The following RGS6 variants were observed in gnomAD, a reference collection of about 807,000 sequenced individuals.
RGS6 encodes the protein regulator of G protein signaling 6, also known as regulator of G-protein signaling 6.
A neutral mutation model predicts 78.5 loss-of-function variants in RGS6; 30 were observed. The ratio of observed to expected loss-of-function variants is 0.38; its 90% CI spans 0.29 to 0.52. The LOEUF (loss-of-function observed/expected upper bound fraction) is 0.52. Ranked by LOEUF, RGS6 falls within the 20% of genes least tolerant of loss-of-function variation. The probability of loss-of-function intolerance (pLI) is 0.85; values close to 1 mark genes in which losing one functional copy is unlikely to be tolerated. For missense variants in RGS6, 495 were observed against 609.7 expected, an observed-to-expected ratio of 0.81 and a Z score of 1.98; for synonymous variants, 206 against 206.0, an observed-to-expected ratio of 1.00 and a Z score of 0.00.
chr14:72,015,460 C>A (rs188515433), intron 2 of RGS6, among the ~76,000 whole-genome samples: 242 of 152,282 alleles, frequency 1.6e-3, no homozygotes, highest in Admixed American at 3.7e-3. Context: ...CCATAGGATT[C>A]CAGTATATAC....
chr14:72,400,618 C>G (rs549045866), intron 3 of RGS6, among the ~76,000 whole-genome samples: 1 of 152,326 alleles, frequency 6.6e-6, no homozygotes, highest in African/African-American at 2.4e-5. Flanking sequence ...TGCGCTGATT[C>G]TGTTCAGTAA....
At chr14:72,622,636 T>C in the RGS6 span, among the ~76,000 whole-genome samples, 7 of 152,220 alleles carry the variant, frequency 4.6e-5, no homozygotes, top group East Asian at 1.4e-3. Flanking sequence ...GGTTGACCAC[T>C]GTCTAGCACC....
At chr14:71,877,078 C>A in the RGS6 span, among the ~76,000 whole-genome samples, 1 of 152,132 alleles carries the variant, frequency 6.6e-6, no homozygotes, top group Non-Finnish European at 1.5e-5. Flanking sequence ...TTGTGGGTAA[C>A]CCAACCTTTG....
At position 72,563,275 on chromosome 14, in the gene RGS6, T is replaced by C. The variant is rs1277542117; in HGVS notation, c.*808T>C. 1 of 161,066 alleles carries C rather than the reference T, an allele frequency of 6.2e-6. No homozygotes were observed. Among genetic ancestry groups the C allele is most frequent in the Non-Finnish European group, 1.4e-5 (1 of 72,830 alleles). The allele number at this position is 161,066 out of a possible 1,614,324, so 10.0% of individuals were successfully genotyped here. ...TAGAAAATTATTTCATAATTTATTC[T>C]GGCTTTGCCCCCTTGCTCCTTGGTT... On this transcript the variant is annotated 3_prime_UTR_variant, in exon 18 of 18. Coordinates refer to ENST00000553525, the MANE Select transcript of RGS6 (RefSeq NM_001204424.2).
intron 14 of RGS6, chr14:72,511,918 T>C (rs17116708): frequency 0.028 from 4,340 of 152,312 alleles, 201 homozygotes; most frequent in African/African-American, 0.099. Flanking sequence ...TAATGAAGCA[T>C]TTGTAACAGA....
intron 2 of RGS6, among the ~76,000 whole-genome samples, chr14:72,080,819 A>G (rs544598162): frequency 1.3e-5 from 2 of 152,158 alleles, no homozygotes; most frequent in South Asian, 4.1e-4. Flanking sequence ...AAAAAAATCT[A>G]TTGACCATTG....
At chr14:72,350,106 T>A (rs2078837166) in intron 2 of RGS6, among the ~76,000 whole-genome samples, 2 of 152,222 alleles carry the variant, frequency 1.3e-5, no homozygotes, top group Non-Finnish European at 2.9e-5. Flanking sequence ...TAAAACTCCC[T>A]CTTCAGTTTT....
the RGS6 span, among the ~76,000 whole-genome samples, chr14:71,912,652 T>G: frequency 6.6e-6 from 1 of 152,042 alleles, no homozygotes. Context: ...CTGGTACCAG[T>G]TGACCAACAC....
At chr14:72,585,798 A>G in the RGS6 span, among the ~76,000 whole-genome samples, 35 of 152,176 alleles carry the variant, frequency 2.3e-4, no homozygotes, top group Non-Finnish European at 2.9e-5. Flanking sequence ...ATGAGGGATG[A>G]GTGCTGAGGG....
intron 2 of RGS6, among the ~76,000 whole-genome samples, chr14:72,125,076 T>A (rs1344633698): frequency 1.3e-5 from 2 of 152,158 alleles, no homozygotes; most frequent in Non-Finnish European, 2.9e-5. Context: ...AGACTCCAGA[T>A]GCTTGTAATA....
chr14:72,512,760 C>G (rs183990662), intron 14 of RGS6, among the ~76,000 whole-genome samples: 351 of 152,350 alleles, frequency 2.3e-3, no homozygotes, highest in Non-Finnish European at 3.9e-3. Context: ...AATCACATAA[C>G]TGTAGGACTC....
chr14:72,334,092 T>A (rs553501834), intron 2 of RGS6, among the ~76,000 whole-genome samples: 1 of 152,352 alleles, frequency 6.6e-6, no homozygotes, highest in Non-Finnish European at 1.5e-5. Flanking sequence ...GAGTCTTCAA[T>A]GCCTCAGGAG....
rs1034032701 is a variant in RGS6, at chr14:72,448,817, A to G, written c.185-5711A>G. Among the ~76,000 whole-genome samples, 5 of 152,226 alleles carry G rather than the reference A, an allele frequency of 3.3e-5. No homozygotes were observed. In the East Asian group the frequency reaches 9.6e-4, roughly 29 times the overall value. On this transcript the variant is annotated intron_variant, in intron 3 of 17. Transcript: ENST00000553525. Reference sequence around the variant, plus strand: ...ACAGAGTTAAGAGACACAGAATAGTATAGTGGAAATAATATTTGGCATGAA... The same window carrying G: ...ACAGAGTTAAGAGACACAGAATAGTGTAGTGGAAATAATATTTGGCATGAA...
At chr14:72,603,344 T>C in the RGS6 span, among the ~76,000 whole-genome samples, 2 of 152,204 alleles carry the variant, frequency 1.3e-5, no homozygotes, top group Non-Finnish European at 2.9e-5. Flanking sequence ...AGTCCATTCT[T>C]AGCCAACAGA....
chr14:71,883,910 CT>C, the RGS6 span, among the ~76,000 whole-genome samples: 1 of 152,156 alleles, frequency 6.6e-6, no homozygotes, highest in Non-Finnish European at 1.5e-5. Flanking sequence ...TCCTGGAAAA[CT>C]CATGAATAAT....
intron 2 of RGS6, among the ~76,000 whole-genome samples, chr14:72,095,317 T>G (rs1321586486): frequency 1.3e-5 from 2 of 152,158 alleles, no homozygotes; most frequent in South Asian, 2.1e-4. Context: ...TGACACAGAT[T>G]GGCAATACTG....
At chr14:72,269,534 A>T (rs1397436058) in intron 2 of RGS6, among the ~76,000 whole-genome samples, 1 of 141,708 alleles carries the variant, frequency 7.1e-6, no homozygotes, top group African/African-American at 2.7e-5. Context: ...TCATGTCTTT[A>T]CTGAAATGTT....
At chr14:72,245,523 A>T (rs1594752228) in intron 2 of RGS6, among the ~76,000 whole-genome samples, 1 of 152,238 alleles carries the variant, frequency 6.6e-6, no homozygotes, top group Non-Finnish European at 1.5e-5. Context: ...CAGATTGCTC[A>T]TGCTTTTGTT....
At chr14:72,395,088 CATG>C (rs1260489698) in intron 3 of RGS6, among the ~76,000 whole-genome samples, 1 of 152,112 alleles carries the variant, frequency 6.6e-6, no homozygotes, top group South Asian at 2.1e-4. Context: ...GTGGTAGTAA[CATG>C]ATATTCTGGC....
Sources: gnomAD v4.1 joint callset for allele counts (sites outside exome capture counted in the v4.1 genomes callset) on GRCh38, gnomAD v4.1.1 for gene constraint, MANE v1.5 for transcripts, NCBI Gene and HGNC (gene_info 2026-07-23, HGNC 2026-07-21) for gene names.